Variants in HMCN1 observed in about 807,000 individuals in gnomAD.
The protein encoded by HMCN1 is hemicentin 1, also known as hemicentin-1.
Under a neutral mutation model 625.9 loss-of-function variants are expected in HMCN1, and 321 were observed. The observed-to-expected ratio is 0.51, with a 90% CI of 0.47 to 0.56. The LOEUF (loss-of-function observed/expected upper bound fraction) is 0.56, where lower values mean the gene tolerates loss of function less well. HMCN1 is among the 20% of genes least tolerant of loss of function. The pLI is 0.00. For synonymous variants in HMCN1, 2,425 were observed against 2,417.6 expected, an observed-to-expected ratio of 1.00 and a Z score of -0.09; for missense variants, 6,588 against 6,887.3, an observed-to-expected ratio of 0.96 and a Z score of 1.54.
chr1:186,019,446 T>C lies in HMCN1; in HGVS notation c.5471-95T>C, dbSNP rs945192616. 7.9e-5 allele frequency: 67 copies of C among 845,308 alleles called. 1 individual carries two copies. Among genetic ancestry groups the C allele is most frequent in the African/African-American group, 7.0e-5 (4 of 57,084 alleles). 52.4% of individuals were successfully genotyped at this position (845,308 alleles called of 1,614,324 possible). A position where few individuals can be genotyped will look rare whatever the true frequency, so the allele number is the denominator to read the frequency against. ...AAAATAGGGATTTGCTTTTTTTTTTTCTAAATTTTAAGGTTTCAGGTTCTT... is the reference window on the plus strand; with the variant it reads ...AAAATAGGGATTTGCTTTTTTTTTTCCTAAATTTTAAGGTTTCAGGTTCTT... On this transcript the variant is annotated intron_variant, in intron 34 of 106. Coordinates refer to ENST00000271588, the MANE Select transcript of HMCN1 (RefSeq NM_031935.3).
At chr1:186,080,559 T>TCAAAC (rs1424528541) in intron 55 of HMCN1, among the ~76,000 whole-genome samples, 2 of 152,202 alleles carry the variant, frequency 1.3e-5, no homozygotes, top group Non-Finnish European at 2.9e-5. Flanking sequence ...GTGGGACTTC[T>TCAAAC]CAAACTTTAG....
At chr1:185,983,834 CA>C (rs1651826142) in intron 18 of HMCN1, among the ~76,000 whole-genome samples, 1 of 152,036 alleles carries the variant, frequency 6.6e-6, no homozygotes, top group Non-Finnish European at 1.5e-5. Flanking sequence ...CACTTTAAGC[CA>C]AAAGTAAATA....
At chr1:186,052,440 GAGA>G (rs1657018253) in intron 42 of HMCN1, among the ~76,000 whole-genome samples, 1 of 152,080 alleles carries the variant, frequency 6.6e-6, no homozygotes, top group African/African-American at 2.4e-5. Context: ...TAGGCCAGTA[GAGA>G]AGCAGACTGT....
intron 46 of HMCN1, 139 bp downstream of exon 46, chr1:186,057,540 G>C (rs1657419882): frequency 4.6e-6 from 3 of 645,950 alleles, no homozygotes. Context: ...ATCATATTAA[G>C]AAAAAATATT....
At chr1:185,843,285 G>T (rs116478096) in intron 1 of HMCN1, among the ~76,000 whole-genome samples, 1 of 152,176 alleles carries the variant, frequency 6.6e-6, no homozygotes, top group Non-Finnish European at 1.5e-5. Flanking sequence ...CAAAGATAAG[G>T]TTTAAATCAG....
At chr1:186,091,562 A>G (rs1463644626) in intron 64 of HMCN1, among the ~76,000 whole-genome samples, 1 of 152,016 alleles carries the variant, frequency 6.6e-6, no homozygotes, top group East Asian at 1.9e-4. Flanking sequence ...TCCCATTTTC[A>G]GCTGGCACTT....
In HMCN1 at chr1:186,189,932, A is replaced by G; in HGVS notation, c.*54A>G. Reference sequence around the variant, plus strand: ...TTAAACCGCATTAATCATGGCAATCAAGCCCCCTTCCAGATTACTGTCTCT... The same window carrying G: ...TTAAACCGCATTAATCATGGCAATCGAGCCCCCTTCCAGATTACTGTCTCT... On this transcript the variant is annotated 3_prime_UTR_variant, in exon 107 of 107. Coordinates refer to ENST00000271588, the MANE Select transcript of HMCN1 (RefSeq NM_031935.3). The G allele has an allele frequency of 1.9e-6, 3 of 1,596,346 alleles. No homozygotes were observed. The highest frequency in any genetic ancestry group is 2.6e-6 in the Non-Finnish European group (3 of 1,169,258).
chr1:186,113,060 C>T, intron 72 of HMCN1, 107 bp downstream of exon 72: 1 of 1,357,264 alleles, frequency 7.4e-7, no homozygotes, highest in East Asian at 2.4e-5. Flanking sequence ...TTGTGCTTAT[C>T]TTACTGCTTT....
chr1:185,820,021 A>G (rs1660087846), intron 1 of HMCN1, among the ~76,000 whole-genome samples: 1 of 152,198 alleles, frequency 6.6e-6, no homozygotes, highest in Admixed American at 6.5e-5. Context: ...GGAAAAAAGC[A>G]CAATGAAGTA....
chr1:185,919,826 C>A (rs1666912026), intron 6 of HMCN1, among the ~76,000 whole-genome samples: 1 of 152,172 alleles, frequency 6.6e-6, no homozygotes, highest in Admixed American at 6.6e-5. Flanking sequence ...TAATAATACT[C>A]TCTCACAGGG....
intron 41 of HMCN1, 65 bp from the exon 42 acceptor site, chr1:186,048,678 A>G (rs534276098): frequency 1.1e-6 from 1 of 907,002 alleles, no homozygotes; most frequent in East Asian, 2.4e-5. Flanking sequence ...GATCACAAAT[A>G]GTATTAATTA....
chr1:186,055,265 G>A (rs1310877963), intron 44 of HMCN1, 128 bp from the exon 45 acceptor site: 2 of 858,010 alleles, frequency 2.3e-6, no homozygotes, highest in African/African-American at 1.7e-5. Flanking sequence ...GTTAGTCCTG[G>A]GTCTTTTCTT....
intron 11 of HMCN1, among the ~76,000 whole-genome samples, chr1:185,957,568 T>G (rs557342614): frequency 6.6e-6 from 1 of 152,154 alleles, no homozygotes; most frequent in African/African-American, 2.4e-5. Flanking sequence ...AGGCTGGAGA[T>G]CAACCCAGGA....
At chr1:186,157,032 C>G (rs972196097) in intron 97 of HMCN1, among the ~76,000 whole-genome samples, 5 of 152,158 alleles carry the variant, frequency 3.3e-5, no homozygotes, top group Non-Finnish European at 4.4e-5. Context: ...AGGTCTCTTT[C>G]TTAGCAATTC....
intron 93 of HMCN1, 111 bp downstream of exon 93, chr1:186,146,034 A>AG: frequency 8.8e-7 from 1 of 1,130,750 alleles, no homozygotes; most frequent in Non-Finnish European, 1.3e-6. Context: ...AATTAGAAAA[A>AG]AAAAAAAAAG....
At chr1:186,094,895 T>G (rs1351688903) in intron 67 of HMCN1, among the ~76,000 whole-genome samples, 2 of 152,176 alleles carry the variant, frequency 1.3e-5, no homozygotes, top group African/African-American at 4.8e-5. Context: ...AACTTGATAT[T>G]ATTTATACTC....
intron 105 of HMCN1, 35 bp downstream of exon 105, chr1:186,182,322 T>C: frequency 1.2e-6 from 2 of 1,612,316 alleles, no homozygotes; most frequent in Non-Finnish European, 1.7e-6. Context: ...TGTTGCAAAC[T>C]TGACTAAAAA....
intron 21 of HMCN1, among the ~76,000 whole-genome samples, chr1:185,989,898 C>T (rs560848978): frequency 6.6e-6 from 1 of 151,322 alleles, no homozygotes; most frequent in Non-Finnish European, 1.5e-5. Context: ...GGTGTTTTCC[C>T]AAGAAGTATG....
intron 2 of HMCN1, among the ~76,000 whole-genome samples, chr1:185,855,272 A>C (rs1432321562): frequency 1.3e-5 from 2 of 152,170 alleles, no homozygotes; most frequent in Non-Finnish European, 1.5e-5. Context: ...CTTAATTTTG[A>C]AGGTCACAAT....
Sources: gnomAD v4.1 joint callset for allele counts (sites outside exome capture counted in the v4.1 genomes callset) on GRCh38, gnomAD v4.1.1 for gene constraint, MANE v1.5 for transcripts, NCBI Gene and HGNC (gene_info 2026-07-23, HGNC 2026-07-21) for gene names.